The following SLC25A42 variants were observed in gnomAD, a reference collection of about 807,000 sequenced individuals.
SLC25A42 encodes solute carrier family 25 member 42, also known as mitochondrial coenzyme A transporter SLC25A42.
In SLC25A42, 19 loss-of-function variants were observed where a neutral mutation model predicts 34.7. The observed-to-expected ratio is 0.55, with a 90% CI of 0.38 to 0.80. The LOEUF (loss-of-function observed/expected upper bound fraction) is 0.80. Among genes scored for constraint, SLC25A42 ranks in the 30% least tolerant of loss-of-function variants. The pLI is 0.00. For missense variants in SLC25A42, 364 were observed against 441.3 expected, an observed-to-expected ratio of 0.82 and a Z score of 1.57; for synonymous variants, 205 against 191.2, an observed-to-expected ratio of 1.07 and a Z score of -0.59.
At position 19,107,932 on chromosome 19, in the gene SLC25A42, G is replaced by A; in HGVS notation, c.536G>A (p.Arg179Lys). 6.2e-7 allele frequency: 1 copy of A among 1,614,172 alleles called. No individual in the cohort carries two copies. The highest frequency in any genetic ancestry group is 8.5e-7 in the Non-Finnish European group (1 of 1,180,026). The change falls in exon 7 of 8, where the codon AGA becomes AAA. Residue 179 changes from arginine to lysine, a missense_variant. Physicochemically the swap from Arg to Lys is conservative, Grantham distance 26. Transcript: ENST00000318596. ...TTTCATGTCTTCATCCGCATCTCGA[G>A]AGAAGAGGGGCTGAAGACTCTCTAC... ...NIFHVFIRISREEGLKTLYHG... is the reference protein window; with the variant it reads ...NIFHVFIRISKEEGLKTLYHG...
chr19:19,106,144 C>G, intron 5 of SLC25A42, 125 bp from the exon 6 acceptor site: 1 of 789,902 alleles, frequency 1.3e-6, no homozygotes, highest in Non-Finnish European at 2.0e-6. Flanking sequence ...CCAAACCCGC[C>G]TCGTGTTCCT....
chr19:19,096,806 G>A (rs2059767982), intron 2 of SLC25A42, among the ~76,000 whole-genome samples: 1 of 151,966 alleles, frequency 6.6e-6, no homozygotes. Context: ...GCGTGGTGGT[G>A]CACACCTGTA....
At chr19:19,097,974 A>AT (rs946145778) in intron 2 of SLC25A42, among the ~76,000 whole-genome samples, 1 of 151,036 alleles carries the variant, frequency 6.6e-6, no homozygotes, top group African/African-American at 2.4e-5. Context: ...GAAAAAAAAA[A>AT]AAAATACTGA....
intron 5 of SLC25A42, 155 bp downstream of exon 5, chr19:19,105,882 C>A: frequency 1.5e-6 from 1 of 666,894 alleles, no homozygotes; most frequent in Non-Finnish European, 2.5e-6. Flanking sequence ...CTCACCCAGG[C>A]CCTCCTGAGG....
intron 1 of SLC25A42, among the ~76,000 whole-genome samples, chr19:19,075,708 G>A (rs1339345873): frequency 6.6e-6 from 1 of 152,190 alleles, no homozygotes; most frequent in East Asian, 1.9e-4. Flanking sequence ...AACTGGAAAG[G>A]GTGCTTCCTG....
At chr19:19,076,465 A>G (rs1029030567) in intron 1 of SLC25A42, among the ~76,000 whole-genome samples, 2 of 151,964 alleles carry the variant, frequency 1.3e-5, no homozygotes, top group Non-Finnish European at 2.9e-5. Flanking sequence ...GTGAGACTCC[A>G]TCTTAAAAAA....
At chr19:19,101,683 C>G in intron 2 of SLC25A42, 98 bp from the exon 3 acceptor site, 10 of 1,079,346 alleles carry the variant, frequency 9.3e-6, no homozygotes, top group Non-Finnish European at 1.3e-5. Context: ...CATCCCTCGG[C>G]CCCGGCCCAG....
At chr19:19,092,202 C>T (rs10408035) in intron 1 of SLC25A42, among the ~76,000 whole-genome samples, 2,167 of 152,342 alleles carry the variant, frequency 0.014, 65 homozygotes, top group African/African-American at 0.05. Context: ...TAACCCTCAT[C>T]TAGAGATCTT....
intron 1 of SLC25A42, among the ~76,000 whole-genome samples, chr19:19,090,856 T>C (rs1231842162): frequency 6.6e-6 from 1 of 152,174 alleles, no homozygotes; most frequent in East Asian, 1.9e-4. Flanking sequence ...TGCTTCCTGC[T>C]TCTGTGTTCT....
At chr19:19,104,885 G>A (rs762130387) in intron 3 of SLC25A42, 28 bp from the exon 4 acceptor site, 1 of 1,614,006 alleles carries the variant, frequency 6.2e-7, no homozygotes, top group Non-Finnish European at 8.5e-7. Flanking sequence ...TTGCATCTCA[G>A]TGGCTTTTGT....
rs552888860 is a variant in SLC25A42 at position 19,092,971 on chromosome 19, G to A, written c.-34-3120G>A. Reference sequence around the variant, plus strand: ...TGAAAGATGCCGACCCCCAGCAACCGGCTGGGAAAGGTCTTTAGGACCTGG... The same window carrying A: ...TGAAAGATGCCGACCCCCAGCAACCAGCTGGGAAAGGTCTTTAGGACCTGG... On this transcript the variant is annotated intron_variant, in intron 1 of 7. Transcript: ENST00000318596. 5.9e-5 allele frequency among the ~76,000 whole-genome samples: 9 copies of A among 152,276 alleles called. 1 individual carries two copies. The South Asian group carries it at 6.2e-4, about 11-fold the overall frequency.
Position 19,101,802 on chromosome 19 carries a change from A to G in SLC25A42, c.103A>G (p.Ser35Gly), listed in dbSNP as rs770485122. Residue 35 changes from serine to glycine, a missense_variant, in exon 3 of 8, where the codon AGC (serine) becomes GGC (glycine). Physicochemically the swap from Ser to Gly is moderately conservative, Grantham distance 56. Coordinates refer to ENST00000318596, the MANE Select transcript of SLC25A42 (RefSeq NM_178526.5). ...GCAGCGTGACCACAGGCAAGTGCTC[A>G]GCTCCCTGCTGTCTGGGGCCCTGGC... The part of the protein sequence containing the change: ...SSKRDHRQVL[S>G]SLLSGALAGA... The G allele has an allele frequency of 8.1e-6, 13 of 1,613,518 alleles. No individual in the cohort carries two copies. Among genetic ancestry groups the G allele is most frequent in the Non-Finnish European group, 9.3e-6 (11 of 1,179,714 alleles).
intron 2 of SLC25A42, among the ~76,000 whole-genome samples, chr19:19,100,219 G>A (rs2059787839): frequency 6.6e-6 from 1 of 152,044 alleles, no homozygotes; most frequent in African/African-American, 2.4e-5. Flanking sequence ...GTGCTTGCCT[G>A]TAATTCCAGC....
intron 1 of SLC25A42, among the ~76,000 whole-genome samples, chr19:19,073,488 G>A (rs1160141014): frequency 6.6e-6 from 1 of 152,166 alleles, no homozygotes; most frequent in African/African-American, 2.4e-5. Flanking sequence ...GGCATGTCCA[G>A]GGAATTAATT....
chr19:19,096,457 A>G (rs1229826205), intron 2 of SLC25A42, among the ~76,000 whole-genome samples: 1 of 151,940 alleles, frequency 6.6e-6, no homozygotes, highest in Non-Finnish European at 1.5e-5. Context: ...CAAATACTCC[A>G]TCATGGGATG....
Position 19,112,209 on chromosome 19 carries a change from C to T in SLC25A42, c.*1333C>T, listed in dbSNP as rs2059869699. ...GCGTGACCGTGAGTGTTGCTTTCGACAGCTGGCTCAGCACACGCTGTGTGA... is the reference window on the plus strand; with the variant it reads ...GCGTGACCGTGAGTGTTGCTTTCGATAGCTGGCTCAGCACACGCTGTGTGA... On this transcript the variant is annotated 3_prime_UTR_variant, in exon 8 of 8. Transcript: ENST00000318596. This position sits in a 1 kb window ranked among gnomAD's most constrained non-coding sequence, Gnocchi z 4.3. 1 of 152,350 alleles carries T rather than the reference C, an allele frequency of 6.6e-6. No individual in the cohort carries two copies. Among genetic ancestry groups the T allele is most frequent in the Admixed American group, 6.5e-5 (1 of 15,282 alleles). 9.4% of individuals were successfully genotyped at this position (152,350 alleles called of 1,614,324 possible).
At chr19:19,099,054 G>A (rs2059780877) in intron 2 of SLC25A42, among the ~76,000 whole-genome samples, 1 of 152,222 alleles carries the variant, frequency 6.6e-6, no homozygotes, top group African/African-American at 2.4e-5. Context: ...GCCCATTCCA[G>A]AGGGGAGCAG....
intron 1 of SLC25A42, among the ~76,000 whole-genome samples, chr19:19,079,054 A>AT (rs1266610577): frequency 6.7e-6 from 1 of 149,672 alleles, no homozygotes; most frequent in Non-Finnish European, 1.5e-5. Flanking sequence ...ACAATTTTTT[A>AT]TTTTTTTATT....
chr19:19,077,617 G>C (rs2059661365), intron 1 of SLC25A42, among the ~76,000 whole-genome samples: 1 of 152,198 alleles, frequency 6.6e-6, no homozygotes, highest in African/African-American at 2.4e-5. Context: ...GCTGGGCACA[G>C]TGGCTCACAC....
Sources: gnomAD v4.1 joint callset for allele counts (sites outside exome capture counted in the v4.1 genomes callset) on GRCh38, gnomAD v4.1.1 for gene constraint, Gnocchi (gnomAD v3.1) non-coding constraint, MANE v1.5 for transcripts, NCBI Gene and HGNC (gene_info 2026-07-23, HGNC 2026-07-21) for gene names.